Variants in TCF12 observed in about 807,000 individuals in gnomAD.
TCF12 encodes the protein transcription factor 12, also known as DNA-binding protein HTF4.
TCF12 carries 45 observed loss-of-function variants against 86.0 expected under a neutral mutation model. That is an observed-to-expected ratio of 0.52 (90% confidence interval 0.41 to 0.67). TCF12 has a LOEUF of 0.67. TCF12 is among the 30% of genes least tolerant of loss of function. TCF12 has a pLI of 0.00. For missense variants in TCF12, 881 were observed against 859.9 expected (o/e 1.02, Z -0.31); for synonymous variants, 330 against 299.6 (o/e 1.10, Z -1.05).
chr15:57,011,745 AC>A (rs1381384348), intron 3 of TCF12, among the ~76,000 whole-genome samples: 5 of 151,636 alleles, frequency 3.3e-5, no homozygotes, highest in African/African-American at 9.7e-5. Context: ...TACCCTCTCC[AC>A]CCTCAAGAAA....
At chr15:57,068,815 G>C (rs1396911552) in intron 4 of TCF12, among the ~76,000 whole-genome samples, 5 of 152,098 alleles carry the variant, frequency 3.3e-5, no homozygotes, top group African/African-American at 1.2e-4. Context: ...ATGTGTCTTA[G>C]TTTTCTGGTC....
At chr15:57,106,499 T>C (rs1284491486) in intron 5 of TCF12, among the ~76,000 whole-genome samples, 1 of 152,234 alleles carries the variant, frequency 6.6e-6, no homozygotes, top group African/African-American at 2.4e-5. Context: ...CCAACAATTA[T>C]TGCCTTCTGG....
chr15:56,934,676 G>C (rs1223501493), intron 3 of TCF12, among the ~76,000 whole-genome samples: 1 of 152,138 alleles, frequency 6.6e-6, no homozygotes, highest in Non-Finnish European at 1.5e-5. Context: ...GACTTCCTAA[G>C]TATCTTATGC....
chr15:57,177,265 AT>A (rs3985739), intron 6 of TCF12, among the ~76,000 whole-genome samples: 48,629 of 112,500 alleles, frequency 0.43, 10,714 homozygotes, highest in Non-Finnish European at 0.56. Context: ...GCAATAGACA[AT>A]TTTTTTTTTT....
chr15:57,245,345 A>G (rs925006256), intron 13 of TCF12, among the ~76,000 whole-genome samples: 1 of 152,268 alleles, frequency 6.6e-6, no homozygotes, highest in African/African-American at 2.4e-5. Flanking sequence ...AGACAAGACT[A>G]TGAAAGACCC....
chr15:57,185,109 G>C (rs1035197803), intron 6 of TCF12, among the ~76,000 whole-genome samples: 1 of 151,986 alleles, frequency 6.6e-6, no homozygotes, highest in Admixed American at 6.5e-5. Context: ...ACATTATATT[G>C]CCTGGTAATT....
intron 4 of TCF12, among the ~76,000 whole-genome samples, chr15:57,066,946 T>G (rs1157074573): frequency 6.6e-6 from 1 of 152,228 alleles, no homozygotes; most frequent in African/African-American, 2.4e-5. Flanking sequence ...CTGACTTTAA[T>G]TGTAAGATAC....
intron 5 of TCF12, among the ~76,000 whole-genome samples, chr15:57,148,393 GCAGAGGAA>G (rs1299395350): frequency 7.1e-6 from 1 of 141,246 alleles, no homozygotes; most frequent in Non-Finnish European, 1.5e-5. Flanking sequence ...AGCCTGGGCA[GCAGAGGAA>G]GACTTTGTTT....
chr15:57,060,512 CAAAT>C (rs1166199310), intron 3 of TCF12, among the ~76,000 whole-genome samples: 2 of 152,124 alleles, frequency 1.3e-5, no homozygotes, highest in African/African-American at 2.4e-5. Flanking sequence ...ATTAGAAAGT[CAAAT>C]AAGGCTCAAA....
intron 3 of TCF12, among the ~76,000 whole-genome samples, chr15:57,033,473 A>C (rs780063033): frequency 5.9e-5 from 9 of 152,156 alleles, no homozygotes; most frequent in African/African-American, 1.9e-4. Flanking sequence ...AGTAATGGCA[A>C]ATGTTTTCCC....
chr15:56,951,246 A>G (rs1169127752), intron 3 of TCF12, among the ~76,000 whole-genome samples: 1 of 152,176 alleles, frequency 6.6e-6, no homozygotes, highest in Non-Finnish European at 1.5e-5. Context: ...CCATTAGAAT[A>G]GGTCTGCAGT....
chr15:56,969,718 G>A (rs2062192163), intron 3 of TCF12, among the ~76,000 whole-genome samples: 1 of 152,036 alleles, frequency 6.6e-6, no homozygotes, highest in African/African-American at 2.4e-5. Context: ...GGAGATATTA[G>A]TGGAGAATTG....
chr15:56,919,546 C>T, intron 1 of TCF12: 1 of 182,284 alleles, frequency 5.5e-6, no homozygotes, highest in African/African-American at 2.4e-5. Context: ...CTCGAGACCC[C>T]AGCCGCGGCC....
intron 5 of TCF12, among the ~76,000 whole-genome samples, chr15:57,097,277 C>T (rs1246754844): frequency 6.6e-6 from 1 of 152,106 alleles, no homozygotes; most frequent in Admixed American, 6.6e-5. Flanking sequence ...GGGTGGCTCA[C>T]ATTCCCAGCA....
intron 5 of TCF12, among the ~76,000 whole-genome samples, chr15:57,127,496 G>A (rs1258794388): frequency 6.6e-6 from 1 of 152,102 alleles, no homozygotes; most frequent in Non-Finnish European, 1.5e-5. Context: ...CGTTTATATA[G>A]AAAATTTTTT....
At chr15:56,961,938 C>G (rs1007092550) in intron 3 of TCF12, among the ~76,000 whole-genome samples, 1 of 151,422 alleles carries the variant, frequency 6.6e-6, no homozygotes, top group African/African-American at 2.4e-5. Flanking sequence ...GTCAGGAGAT[C>G]GAGACCACGG....
chr15:57,031,852 A>G (rs1202998027), intron 3 of TCF12, among the ~76,000 whole-genome samples: 4 of 152,168 alleles, frequency 2.6e-5, no homozygotes, highest in Non-Finnish European at 5.9e-5. Flanking sequence ...ATTTTCTTAC[A>G]ACTTAGTCCC....
At chr15:57,141,490 C>T (rs2052961038) in intron 5 of TCF12, among the ~76,000 whole-genome samples, 1 of 152,198 alleles carries the variant, frequency 6.6e-6, no homozygotes, top group South Asian at 2.1e-4. Flanking sequence ...GCTGGGATTA[C>T]AGGCATGCGC....
intron 6 of TCF12, among the ~76,000 whole-genome samples, chr15:57,177,607 C>CGAGAGAGAGAGAGAGA (rs1567572655): frequency 2.8e-3 from 14 of 4,996 alleles, no homozygotes; most frequent in Admixed American, 4.5e-3. Context: ...TGTTAAAAGG[C>CGAGAGAGAGAGAGAGA]CAGAGAGAGA....
Sources: gnomAD v4.1 joint callset for allele counts (sites outside exome capture counted in the v4.1 genomes callset) on GRCh38, gnomAD v4.1.1 for gene constraint, MANE v1.5 for transcripts, NCBI Gene and HGNC (gene_info 2026-07-23, HGNC 2026-07-21) for gene names.